SEPTIN10: variants seen among roughly 807,000 people sequenced by gnomAD.
SEPTIN10 encodes septin-10.
In SEPTIN10, 66 loss-of-function variants were observed where a neutral mutation model predicts 54.8. The ratio of observed to expected loss-of-function variants is 1.21; its 90% CI spans 0.99 to 1.48. The LOEUF is 1.48. Ranked by LOEUF, SEPTIN10 falls within the 40% of genes most tolerant of loss-of-function variation. The probability of loss-of-function intolerance (pLI) is 0.00; values close to 1 mark genes in which losing one functional copy is unlikely to be tolerated. For synonymous variants in SEPTIN10, 161 were observed against 181.0 expected (o/e 0.89, Z 0.89); for missense variants, 620 against 545.6 (o/e 1.14, Z -1.36).
intron 10 of SEPTIN10, chr2:109,545,077 A>T: frequency 3.0e-6 from 3 of 985,446 alleles, no homozygotes; most frequent in Non-Finnish European, 3.6e-6. Flanking sequence ...GAGTTGCAAT[A>T]TTCTGAAAAT....
chr2:109,570,995 G>A (rs1688233103), intron 5 of SEPTIN10, among the ~76,000 whole-genome samples: 1 of 152,156 alleles, frequency 6.6e-6, no homozygotes, highest in Non-Finnish European at 1.5e-5. Flanking sequence ...TCTGGTGAGA[G>A]GTGACTGGAT....
At chr2:109,588,334 G>A (rs1473209677) in intron 2 of SEPTIN10, among the ~76,000 whole-genome samples, 2 of 152,070 alleles carry the variant, frequency 1.3e-5, no homozygotes, top group Non-Finnish European at 2.9e-5. Context: ...AAATGTAAGA[G>A]AGGTTTTTTT....
chr2:109,597,097 C>A (rs1695466736), intron 1 of SEPTIN10, among the ~76,000 whole-genome samples: 2 of 152,026 alleles, frequency 1.3e-5, no homozygotes, highest in Admixed American at 1.3e-4. Flanking sequence ...ACTGGCACAT[C>A]CCAGCACACT....
intron 9 of SEPTIN10, among the ~76,000 whole-genome samples, chr2:109,548,145 GT>G (rs1251744612): frequency 6.6e-6 from 1 of 150,466 alleles, no homozygotes; most frequent in Non-Finnish European, 1.5e-5. Flanking sequence ...CAAGGAGAAT[GT>G]AGGTGGACCT....
At chr2:109,600,702 G>T (rs1181060228) in intron 1 of SEPTIN10, among the ~76,000 whole-genome samples, 2 of 151,998 alleles carry the variant, frequency 1.3e-5, no homozygotes, top group African/African-American at 4.8e-5. Flanking sequence ...TTCTCTACTT[G>T]GCAATAGAGT....
intron 8 of SEPTIN10, among the ~76,000 whole-genome samples, chr2:109,562,933 T>C (rs1299551201): frequency 6.6e-6 from 1 of 151,562 alleles, no homozygotes; most frequent in African/African-American, 2.4e-5. Context: ...TTCTTTGAGA[T>C]GGAGTCTCGC....
At chr2:109,597,265 A>G (rs917357033) in intron 1 of SEPTIN10, among the ~76,000 whole-genome samples, 1 of 152,254 alleles carries the variant, frequency 6.6e-6, no homozygotes, top group African/African-American at 2.4e-5. Flanking sequence ...ATAAATTAGC[A>G]GGAAAAGTAA....
chr2:109,590,078 A>ATATG (rs1558847069), intron 2 of SEPTIN10, among the ~76,000 whole-genome samples: 2 of 147,576 alleles, frequency 1.4e-5, no homozygotes, highest in Non-Finnish European at 1.5e-5. Context: ...ACACACATAT[A>ATATG]TATGTATATA....
chr2:109,584,301 A>AC (rs60726626), intron 4 of SEPTIN10, among the ~76,000 whole-genome samples: 134,924 of 151,716 alleles, frequency 0.89, 60,071 homozygotes, highest in Middle Eastern at 0.97. Context: ...ACAAGGTGAA[A>AC]CCCGTCTCTA....
At chr2:109,602,146 G>A (rs541368073) in intron 1 of SEPTIN10, among the ~76,000 whole-genome samples, 6 of 152,272 alleles carry the variant, frequency 3.9e-5, no homozygotes, top group East Asian at 1.9e-4. Context: ...GCTGATTTCC[G>A]TACTAAGTGG....
intron 1 of SEPTIN10, chr2:109,605,717 G>A (rs943357536): frequency 6.6e-6 from 1 of 152,112 alleles, no homozygotes; most frequent in African/African-American, 2.4e-5. Flanking sequence ...AAATTATAAT[G>A]CTGTATTAGG....
At chr2:109,570,985 T>C (rs1225146621) in intron 5 of SEPTIN10, among the ~76,000 whole-genome samples, 1 of 152,066 alleles carries the variant, frequency 6.6e-6, no homozygotes, top group Non-Finnish European at 1.5e-5. Flanking sequence ...GTTGGAGGGG[T>C]CTGGTGAGAG....
At chr2:109,607,351 A>G (rs1227550680) in intron 1 of SEPTIN10, among the ~76,000 whole-genome samples, 1 of 152,202 alleles carries the variant, frequency 6.6e-6, no homozygotes, top group Non-Finnish European at 1.5e-5. Context: ...CAAATCTAGT[A>G]GCAGACTCAG....
chr2:109,608,164 C>G (rs1698427795), intron 1 of SEPTIN10, among the ~76,000 whole-genome samples: 1 of 152,104 alleles, frequency 6.6e-6, no homozygotes, highest in African/African-American at 2.4e-5. Context: ...TAATTCTGGA[C>G]TAATTTAGAG....
At chr2:109,589,245 T>A (rs1229686591) in intron 2 of SEPTIN10, among the ~76,000 whole-genome samples, 4 of 152,016 alleles carry the variant, frequency 2.6e-5, no homozygotes, top group Non-Finnish European at 5.9e-5. Context: ...CAGGTTCAAG[T>A]GGTCAGGTCA....
intron 1 of SEPTIN10, among the ~76,000 whole-genome samples, chr2:109,602,785 C>A (rs1209359975): frequency 1.3e-5 from 2 of 149,686 alleles, no homozygotes; most frequent in Middle Eastern, 3.4e-3. Context: ...TTTGAGAAGT[C>A]ATTTATTTAG....
chr2:109,550,146 T>C (rs939727923), intron 9 of SEPTIN10, among the ~76,000 whole-genome samples: 4 of 151,566 alleles, frequency 2.6e-5, no homozygotes, highest in African/African-American at 7.3e-5. Context: ...CAAAATTAGC[T>C]GGGCATGGTG....
chr2:109,584,356 T>C (rs1441049634), intron 4 of SEPTIN10, among the ~76,000 whole-genome samples: 1 of 151,004 alleles, frequency 6.6e-6, no homozygotes, highest in Admixed American at 6.7e-5. Flanking sequence ...GTGCCTGTAA[T>C]CCTAGCTACT....
chr2:109,552,942 A>T, intron 9 of SEPTIN10, 145 bp downstream of exon 9: 1 of 929,336 alleles, frequency 1.1e-6, no homozygotes, highest in Non-Finnish European at 1.6e-6. Flanking sequence ...CTAAGTCAAT[A>T]TTCAAATACT....
Sources: allele counts gnomAD v4.1 joint callset (sites outside exome capture counted in the v4.1 genomes callset), GRCh38; gene constraint gnomAD v4.1.1; transcripts MANE v1.5; gene names NCBI Gene and HGNC (gene_info 2026-07-23, HGNC 2026-07-21).